The following UTP23 variants were observed in gnomAD, a reference collection of about 807,000 sequenced individuals.
The protein encoded by UTP23 is UTP23 small subunit processome component.
Under a neutral mutation model 19.8 loss-of-function variants are expected in UTP23, and 10 were observed. The ratio of observed to expected loss-of-function variants is 0.50; its 90% CI spans 0.31 to 0.86. The LOEUF is 0.86. UTP23 is among the 40% of genes least tolerant of loss of function. UTP23 has a pLI of 0.05. For synonymous variants in UTP23, 108 were observed against 105.4 expected (o/e 1.02, Z -0.15); for missense variants, 282 against 293.1 (o/e 0.96, Z 0.28).
chr8:116,766,967 A>C, intron 1 of UTP23, 176 bp downstream of exon 1: 1 of 601,608 alleles, frequency 1.7e-6, no homozygotes, highest in Non-Finnish European at 2.8e-6. Context: ...TAATAGAGGC[A>C]GATTGGACAG....
Position 116,766,672 on chromosome 8 carries a change from C to T in UTP23, c.69C>T (p.Arg23=). ...LGFFRNNFGV[R]EPYQILLDGT... ...TCTTCCGCAACAACTTCGGAGTCCG[C>T]GAGCCGTACCAGATCCTGCTGGACG... is the stretch of plus-strand genomic sequence containing the variant. Residue 23 remains arginine, a synonymous_variant, in exon 1 of 3, where the codon CGC becomes CGT. Transcript: ENST00000309822. 2 of 1,518,066 alleles carry T rather than the reference C, an allele frequency of 1.3e-6. No homozygotes were observed. The highest frequency in any genetic ancestry group is 2.0e-5 in the Admixed American group (1 of 50,046). 94.0% of individuals were successfully genotyped at this position (1,518,066 alleles called of 1,614,324 possible). A position where few individuals can be genotyped will look rare whatever the true frequency, so the allele number is the denominator to read the frequency against.
chr8:116,772,963 C>T lies in UTP23; in HGVS notation c.*1121C>T. 1 of 985,384 alleles carries T rather than the reference C, an allele frequency of 1.0e-6. No homozygotes were observed. Among genetic ancestry groups the T allele is most frequent in the Non-Finnish European group, 1.2e-6 (1 of 829,876 alleles). The allele number at this position is 985,384 out of a possible 1,614,324, so 61.0% of individuals were successfully genotyped here. A position where few individuals can be genotyped will look rare whatever the true frequency, so the allele number is the denominator to read the frequency against. On this transcript the variant is annotated 3_prime_UTR_variant, in exon 3 of 3. Coordinates refer to ENST00000309822, the MANE Select transcript of UTP23 (RefSeq NM_032334.3). ...GGAGCCACACTAGAGCAGTGATTCT[C>T]AGTCTAACATTAGGTTATCATGATG...
At chr8:116,767,014 T>G (rs1815591731) in intron 1 of UTP23, 1 of 493,208 alleles carries the variant, frequency 2.0e-6, no homozygotes. Context: ...GCCTGGCGAA[T>G]GAGAGCACAT....
chr8:116,768,503 A>G (rs1212503422), intron 1 of UTP23, among the ~76,000 whole-genome samples: 1 of 152,182 alleles, frequency 6.6e-6, no homozygotes, highest in African/African-American at 2.4e-5. Flanking sequence ...AACATGGCCA[A>G]TCTTGTTGAA....
In UTP23 at chr8:116,771,827, T is replaced by A; in HGVS notation, c.735T>A (p.Asn245Lys). 6.3e-7 allele frequency: 1 copy of A among 1,577,922 alleles called. No homozygotes were observed. The change falls in exon 3 of 3, where the codon AAT becomes AAA. Residue 245 changes from asparagine (N) to lysine (K), a missense_variant. Transcript: ENST00000309822. ...CAAAAGTACTTTCTGAGAAGCAGAATGCAGAAGGAGAATGAATCCTTTGGA... is the reference window on the plus strand; with the variant it reads ...CAAAAGTACTTTCTGAGAAGCAGAAAGCAGAAGGAGAATGAATCCTTTGGA... ...SNPKVLSEKQNAEGE is the reference protein window; with the variant it reads ...SNPKVLSEKQKAEGE
chr8:116,771,933 T>C lies in UTP23; in HGVS notation c.*91T>C. On this transcript the variant is annotated 3_prime_UTR_variant, in exon 3 of 3. Coordinates refer to ENST00000309822, the MANE Select transcript of UTP23 (RefSeq NM_032334.3). ...TAATAAAAGACCAAACTTATTTTTG[T>C]AAATGAACCCATATGCTTTAGCTAA... 1 of 1,475,090 alleles carries C rather than the reference T, an allele frequency of 6.8e-7. No homozygotes were observed. Among genetic ancestry groups the C allele is most frequent in the Non-Finnish European group, 8.9e-7 (1 of 1,124,350 alleles). 91.4% of individuals were successfully genotyped at this position (1,475,090 alleles called of 1,614,324 possible).
chr8:116,766,958 A>G (rs1815591045), intron 1 of UTP23, 167 bp downstream of exon 1: 1 of 642,562 alleles, frequency 1.6e-6, no homozygotes, highest in Non-Finnish European at 2.6e-6. Context: ...GAATACCTAT[A>G]ATAGAGGCAG....
chr8:116,770,395 T>C (rs1421657086), intron 2 of UTP23, 29 bp downstream of exon 2: 2 of 1,569,722 alleles, frequency 1.3e-6, no homozygotes, highest in Non-Finnish European at 1.7e-6. Flanking sequence ...CCACAGGCAA[T>C]TTTCACCATT....
In UTP23 at chr8:116,771,630, G is replaced by C. The variant is rs774911288; in HGVS notation, c.538G>C (p.Glu180Gln). ...GAAAGAAAGTATCAAACATCTCAAA[G>C]AGGAACAGGGTTTAGTGAAAAACAC... is the stretch of plus-strand genomic sequence containing the variant. Reference protein sequence around the residue: ...HEKESIKHLKEEQGLVKNTEQ... With the variant: ...HEKESIKHLKQEQGLVKNTEQ... Residue 180 changes from glutamate (E) to glutamine (Q), a missense_variant, in exon 3 of 3, where the codon GAG (glutamate) becomes CAG (glutamine). Glu to Gln is a conservative substitution (Grantham distance 29). Transcript: ENST00000309822. 1.5e-5 allele frequency: 24 copies of C among 1,611,418 alleles called. No individual in the cohort carries two copies. Among genetic ancestry groups the C allele is most frequent in the Middle Eastern group, 1.7e-4 (1 of 6,040 alleles).
chr8:116,773,249 G>T lies in UTP23; in HGVS notation c.*1407G>T. ...ATACTGGAAAAAAGTGAATAGTGTAGGTTTTGTGAGGAAAGTTAACATTTG... is the reference window on the plus strand; with the variant it reads ...ATACTGGAAAAAAGTGAATAGTGTATGTTTTGTGAGGAAAGTTAACATTTG... On this transcript the variant is annotated 3_prime_UTR_variant, in exon 3 of 3. Transcript: ENST00000309822. The T allele has an allele frequency of 2.0e-6, 2 of 985,316 alleles. No individual in the cohort carries two copies. The highest frequency in any genetic ancestry group is 2.4e-6 in the Non-Finnish European group (2 of 829,922). 61.0% of individuals were successfully genotyped at this position (985,316 alleles called of 1,614,324 possible). A position where few individuals can be genotyped will look rare whatever the true frequency, so the allele number is the denominator to read the frequency against.
In UTP23 at chr8:116,770,381, A is replaced by C; in HGVS notation, c.363+15A>C. On this transcript the variant is annotated intron_variant, in intron 2 of 2. Coordinates refer to ENST00000309822, the MANE Select transcript of UTP23 (RefSeq NM_032334.3). ...TGGCAACACAGGTGATACTACTTTT[A>C]AAACCACAGGCAATTTTCACCATTT... is the stretch of plus-strand genomic sequence containing the variant. 6.3e-7 allele frequency: 1 copy of C among 1,582,410 alleles called. No homozygotes were observed. The highest frequency in any genetic ancestry group is 8.6e-7 in the Non-Finnish European group (1 of 1,157,568).
rs1281636825 is a variant in UTP23 at position 116,773,434 on chromosome 8, G to A, written c.*1592G>A. The A allele has an allele frequency of 1.0e-6, 1 of 980,610 alleles. No homozygotes were observed. Among genetic ancestry groups the A allele is most frequent in the Non-Finnish European group, 1.2e-6 (1 of 825,582 alleles). 60.7% of individuals were successfully genotyped at this position (980,610 alleles called of 1,614,324 possible). A position where few individuals can be genotyped will look rare whatever the true frequency, so the allele number is the denominator to read the frequency against. On this transcript the variant is annotated 3_prime_UTR_variant, in exon 3 of 3. Coordinates refer to ENST00000309822, the MANE Select transcript of UTP23 (RefSeq NM_032334.3). Reference sequence around the variant, plus strand: ...AGTGCTATCTGATTACCTGTTAATAGCATCTGAACTGGAGAGCTGGAAAAA... The same window carrying A: ...AGTGCTATCTGATTACCTGTTAATAACATCTGAACTGGAGAGCTGGAAAAA...
rs567136334 is a variant in UTP23, at chr8:116,774,657, G to A, written c.*2815G>A. 30 of 823,038 alleles carry A rather than the reference G, an allele frequency of 3.6e-5. No homozygotes were observed. The East Asian group carries it at 1.3e-3, about 34-fold the overall frequency. The allele number at this position is 823,038 out of a possible 1,614,324, so 51.0% of individuals were successfully genotyped here. On this transcript the variant is annotated 3_prime_UTR_variant, in exon 3 of 3. Coordinates refer to ENST00000309822, the MANE Select transcript of UTP23 (RefSeq NM_032334.3). ...ATATTAGTCATTGATGTATTTTGCC[G>A]GTAAAATTAAAAGATATTTTAACAA...
intron 1 of UTP23, 188 bp from the exon 2 acceptor site, chr8:116,770,004 A>C: frequency 3.7e-6 from 2 of 538,396 alleles, no homozygotes; most frequent in South Asian, 6.3e-5. Context: ...ATAAGTGCTC[A>C]GTTAATTTTA....
Position 116,772,261 on chromosome 8 carries a change from T to C in UTP23, c.*419T>C. On this transcript the variant is annotated 3_prime_UTR_variant, in exon 3 of 3. Transcript: ENST00000309822. ...TACTAAATGGTTTCGGGAGGTTGTT[T>C]CTCCAGGTAAAATTGTCGCCTCTCT... 1 of 986,076 alleles carries C rather than the reference T, an allele frequency of 1.0e-6. No homozygotes were observed. Among genetic ancestry groups the C allele is most frequent in the Non-Finnish European group, 1.2e-6 (1 of 830,396 alleles). The allele number at this position is 986,076 out of a possible 1,614,324, so 61.1% of individuals were successfully genotyped here. A position where few individuals can be genotyped will look rare whatever the true frequency, so the allele number is the denominator to read the frequency against.
rs529073353 is a variant in UTP23 at position 116,773,677 on chromosome 8, G to C, written c.*1835G>C. The C allele has an allele frequency of 1.1e-5, 3 of 274,662 alleles. No homozygotes were observed. Among genetic ancestry groups the C allele is most frequent in the African/African-American group, 4.6e-5 (2 of 43,590 alleles). 17.0% of individuals were successfully genotyped at this position (274,662 alleles called of 1,614,324 possible). A position where few individuals can be genotyped will look rare whatever the true frequency, so the allele number is the denominator to read the frequency against. ...ATACAAAAATTAGCTGGGTGTGGTG[G>C]TGTGCGCCTGTAGTCCCAGCTACTC... On this transcript the variant is annotated 3_prime_UTR_variant, in exon 3 of 3. Coordinates refer to ENST00000309822, the MANE Select transcript of UTP23 (RefSeq NM_032334.3).
chr8:116,767,013 A>AT, intron 1 of UTP23: 1 of 492,618 alleles, frequency 2.0e-6, no homozygotes, highest in Non-Finnish European at 3.6e-6. Flanking sequence ...AGCCTGGCGA[A>AT]TGAGAGCACA....
At chr8:116,770,437 A>G in intron 2 of UTP23, 71 bp downstream of exon 2, 1 of 1,421,314 alleles carries the variant, frequency 7.0e-7, no homozygotes, top group East Asian at 2.3e-5. Context: ...GCTATTTATA[A>G]TCAGAAAAAA....
chr8:116,769,415 A>G (rs1272468560), intron 1 of UTP23, among the ~76,000 whole-genome samples: 3 of 152,172 alleles, frequency 2.0e-5, no homozygotes, highest in African/African-American at 7.2e-5. Context: ...TCTGATTTCT[A>G]TCTAGGGTGT....
Sources: allele counts gnomAD v4.1 joint callset (sites outside exome capture counted in the v4.1 genomes callset), GRCh38; gene constraint gnomAD v4.1.1; transcripts MANE v1.5; gene names NCBI Gene and HGNC (gene_info 2026-07-23, HGNC 2026-07-21).